Variants in TNFSF4 observed in about 807,000 individuals in gnomAD.
TNFSF4 encodes the protein tumor necrosis factor ligand superfamily member 4.
TNFSF4 carries 4 observed loss-of-function variants against 7.3 expected under a neutral mutation model. The observed-to-expected ratio is 0.55, with a 90% confidence interval of 0.27 to 1.25. The LOEUF is 1.25. TNFSF4 is among the 50% of genes most tolerant of loss of function. TNFSF4 has a pLI of 0.12. For synonymous variants in TNFSF4, 76 were observed against 83.7 expected (o/e 0.91, Z 0.50); for missense variants, 181 against 208.8 (o/e 0.87, Z 0.82).
Position 173,207,102 on chromosome 1 carries a change from C to G in TNFSF4, c.75G>C (p.Leu25Phe), listed in dbSNP as rs1248390264. 1 of 1,613,842 alleles carries G rather than the reference C, an allele frequency of 6.2e-7. No individual in the cohort carries two copies. Among genetic ancestry groups the G allele is most frequent in the Non-Finnish European group, 8.5e-7 (1 of 1,179,886 alleles). ...GTCCCTGAATTACAGAGGCCACCAG[C>G]AATAGCTTGTTCCTCTCGAATCTTG... ...ARPRFERNKL[L>F]LVASVIQGLG... The change falls in exon 1 of 3, where the codon TTG becomes TTC. Residue 25 changes from leucine (L) to phenylalanine (F), a missense_variant. Coordinates refer to ENST00000281834, the MANE Select transcript of TNFSF4 (RefSeq NM_003326.5).
the TNFSF4 span, among the ~76,000 whole-genome samples, chr1:173,239,463 A>C: frequency 2.6e-5 from 4 of 152,194 alleles, no homozygotes; most frequent in Non-Finnish European, 5.9e-5. Flanking sequence ...GTGTCACAAC[A>C]AATAAGGCAT....
At chr1:173,181,388 A>AT (rs1649053355), downstream of TNFSF4, among the ~76,000 whole-genome samples, 1 of 152,182 alleles carries the variant, frequency 6.6e-6, no homozygotes, top group Admixed American at 6.5e-5. Flanking sequence ...AAAGAGCTGT[A>AT]TTTTCTCAGC....
At chr1:173,312,285 TTATC>T in the TNFSF4 span, among the ~76,000 whole-genome samples, 10 of 152,142 alleles carry the variant, frequency 6.6e-5, no homozygotes, top group Non-Finnish European at 1.2e-4. Flanking sequence ...TTGGTGAAAA[TTATC>T]TATCAGCATT....
the TNFSF4 span, among the ~76,000 whole-genome samples, chr1:173,415,392 T>C: frequency 7.4e-4 from 113 of 152,248 alleles, 1 homozygote; most frequent in African/African-American, 2.6e-3. Context: ...TTGAAGCCTA[T>C]GAAGAATGGA....
the TNFSF4 span, among the ~76,000 whole-genome samples, chr1:173,248,237 G>A: frequency 6.6e-6 from 1 of 151,934 alleles, no homozygotes; most frequent in African/African-American, 2.4e-5. Context: ...CACGTCTGTA[G>A]TCTCATCTAC....
chr1:173,374,608 C>G, the TNFSF4 span, among the ~76,000 whole-genome samples: 1 of 152,182 alleles, frequency 6.6e-6, no homozygotes, highest in Admixed American at 6.5e-5. Flanking sequence ...ACAGCTGATT[C>G]TGAGGAAAAA....
At chr1:173,279,172 GA>G in the TNFSF4 span, among the ~76,000 whole-genome samples, 1 of 152,142 alleles carries the variant, frequency 6.6e-6, no homozygotes, top group African/African-American at 2.4e-5. Context: ...ACTTAATGGT[GA>G]CTAAGAGCAC....
At chr1:173,267,473 A>G in the TNFSF4 span, among the ~76,000 whole-genome samples, 1 of 152,168 alleles carries the variant, frequency 6.6e-6, no homozygotes, top group Non-Finnish European at 1.5e-5. Context: ...TATCTGCTCT[A>G]TTGTATGTGT....
Position 173,186,839 on chromosome 1 carries a change from G to A in TNFSF4, c.229C>T (p.Leu77Phe), listed in dbSNP as rs776966784. 1.2e-6 allele frequency: 2 copies of A among 1,604,046 alleles called. No homozygotes were observed. Among genetic ancestry groups the A allele is most frequent in the Non-Finnish European group, 1.7e-6 (2 of 1,174,624 alleles). Reference sequence around the variant, plus strand: ...ATTTCATCCTCCTTTTGGGAAGTGAGGATGAAACCTTTCTCCTTCTTATAT... The same window carrying A: ...ATTTCATCCTCCTTTTGGGAAGTGAAGATGAAACCTTTCTCCTTCTTATAT... ...TEYKKEKGFI[L>F]TSQKEDEIMK... The change falls in exon 3 of 3, where the codon CTC becomes TTC. Residue 77 changes from leucine to phenylalanine, a missense_variant. Leu to Phe is a conservative substitution (Grantham distance 22). Transcript: ENST00000281834.
chr1:173,289,327 TCGGGGGGG>T, the TNFSF4 span, among the ~76,000 whole-genome samples: 1 of 151,892 alleles, frequency 6.6e-6, no homozygotes, highest in Admixed American at 6.6e-5. Flanking sequence ...AAGTGAGGGG[TCGGGGGGG>T]CAATTTTTTA....
intron 1 of TNFSF4, among the ~76,000 whole-genome samples, chr1:173,202,131 G>T (rs1406051739): frequency 6.6e-6 from 1 of 151,732 alleles, no homozygotes; most frequent in Non-Finnish European, 1.5e-5. Flanking sequence ...AAGGTGGCCA[G>T]CCCCTAAACA....
chr1:173,309,344 A>G, the TNFSF4 span, among the ~76,000 whole-genome samples: 16 of 151,724 alleles, frequency 1.1e-4, no homozygotes, highest in Non-Finnish European at 1.3e-4. Flanking sequence ...GATCTTTGCT[A>G]TTTTTTTAAC....
the TNFSF4 span, among the ~76,000 whole-genome samples, chr1:173,346,898 GCCAAGCAGATGGAAC>G: frequency 1.3e-5 from 2 of 152,276 alleles, no homozygotes; most frequent in Non-Finnish European, 2.9e-5. Flanking sequence ...CATTTATACA[GCCAAGCAGATGGAAC>G]CCATTCCACA....
At chr1:173,402,679 C>T in the TNFSF4 span, among the ~76,000 whole-genome samples, 2 of 152,112 alleles carry the variant, frequency 1.3e-5, no homozygotes, top group African/African-American at 4.8e-5. Flanking sequence ...CCTTGATGAC[C>T]CCATCATATA....
the TNFSF4 span, among the ~76,000 whole-genome samples, chr1:173,279,781 AC>A: frequency 6.6e-6 from 1 of 152,088 alleles, no homozygotes; most frequent in African/African-American, 2.4e-5. Flanking sequence ...CAGTGCTACT[AC>A]CTTTTTTCAG....
the TNFSF4 span, among the ~76,000 whole-genome samples, chr1:173,385,068 A>T: frequency 7.2e-3 from 1,099 of 152,348 alleles, 6 homozygotes; most frequent in Non-Finnish European, 9.7e-3. Context: ...TGCTGGGATA[A>T]ATGACTCTGT....
At chr1:173,215,714 C>A in the TNFSF4 span, among the ~76,000 whole-genome samples, 8 of 152,170 alleles carry the variant, frequency 5.3e-5, no homozygotes, top group Admixed American at 4.6e-4. Context: ...GTGCAATCAG[C>A]AATCATCAAC....
the TNFSF4 span, among the ~76,000 whole-genome samples, chr1:173,234,071 A>C: frequency 6.6e-6 from 1 of 152,342 alleles, no homozygotes; most frequent in East Asian, 1.9e-4. Flanking sequence ...TAATATCCAG[A>C]ATCTACAAAG....
the TNFSF4 span, among the ~76,000 whole-genome samples, chr1:173,309,264 A>ACGG: frequency 3.9e-5 from 6 of 151,954 alleles, no homozygotes; most frequent in Non-Finnish European, 2.9e-5. Flanking sequence ...TTGAACAGTA[A>ACGG]CGGCGATGCA....
Sources: allele counts gnomAD v4.1 joint callset (sites outside exome capture counted in the v4.1 genomes callset), GRCh38; gene constraint gnomAD v4.1.1; transcripts MANE v1.5; gene names NCBI Gene and HGNC (gene_info 2026-07-23, HGNC 2026-07-21).